CALM2: variants seen among roughly 807,000 people sequenced by gnomAD.
CALM2 encodes calmodulin-2.
A neutral mutation model predicts 19.8 loss-of-function variants in CALM2; 2 were observed. That is an observed-to-expected ratio of 0.10 (90% CI 0.04 to 0.32). The LOEUF (loss-of-function observed/expected upper bound fraction) is 0.32, where lower values mean the gene tolerates loss of function less well. Among genes scored for constraint, CALM2 ranks in the 10% least tolerant of loss-of-function variants. The pLI, the probability that CALM2 is intolerant of heterozygous loss-of-function variation, is 1.00. For missense variants in CALM2, 38 were observed against 178.7 expected (o/e 0.21, Z 4.49); for synonymous variants, 51 against 52.1 (o/e 0.98, Z 0.09).
At chr2:47,175,767 T>G (rs1666839371) in intron 1 of CALM2, among the ~76,000 whole-genome samples, 1 of 150,050 alleles carries the variant, frequency 6.7e-6, no homozygotes, top group African/African-American at 2.4e-5. Flanking sequence ...CAGCTGGAGC[T>G]CGAGCGGGGC....
At chr2:47,167,308 A>G (rs1294964571) in intron 2 of CALM2, among the ~76,000 whole-genome samples, 1 of 152,250 alleles carries the variant, frequency 6.6e-6, no homozygotes, top group Admixed American at 6.5e-5. Flanking sequence ...GTCAAACAGC[A>G]ACAACTAATG....
intron 1 of CALM2, among the ~76,000 whole-genome samples, chr2:47,174,543 T>A (rs993230196): frequency 6.6e-6 from 1 of 152,172 alleles, no homozygotes; most frequent in Non-Finnish European, 1.5e-5. Flanking sequence ...TATTAAGATT[T>A]TTTTTTTCGA....
chr2:47,162,949 T>G (rs1687202209), intron 2 of CALM2: 1 of 242,048 alleles, frequency 4.1e-6, no homozygotes. Context: ...CTTTGACCAA[T>G]CATACCACTG....
At chr2:47,172,526 A>C (rs1666704422) in intron 1 of CALM2, 2 of 1,182,162 alleles carry the variant, frequency 1.7e-6, no homozygotes, top group Non-Finnish European at 2.2e-6. Flanking sequence ...TTAAATATCA[A>C]CCTGACTAGC....
Position 47,173,807 on chromosome 2 carries a change from A to G in CALM2, c.3+2634T>C, listed in dbSNP as rs527289812. ...TTTTTCTACAATTATGGAAGCCAGG[A>G]TATTTGTTTTACCTGTATCAAAAGC... On this transcript the variant is annotated intron_variant, in intron 1 of 5. Transcript: ENST00000272298. 2.0e-5 allele frequency: 3 copies of G among 152,346 alleles called. No homozygotes were observed. The South Asian group carries it at 6.2e-4, about 32-fold the overall frequency. 9.4% of individuals were successfully genotyped at this position (152,346 alleles called of 1,614,324 possible). A position where few individuals can be genotyped will look rare whatever the true frequency, so the allele number is the denominator to read the frequency against.
intron 1 of CALM2, chr2:47,171,222 C>A: frequency 6.4e-6 from 1 of 155,430 alleles, no homozygotes; most frequent in South Asian, 1.9e-4. Context: ...ACCCAGCAGG[C>A]AAAATGCAAA....
intron 1 of CALM2, chr2:47,173,063 C>T (rs1332567992): frequency 1.3e-5 from 2 of 152,142 alleles, no homozygotes; most frequent in Admixed American, 6.5e-5. Flanking sequence ...CTCACATAAC[C>T]TGAAAGCTCT....
upstream of CALM2, chr2:47,176,611 A>G: frequency 6.6e-7 from 1 of 1,520,550 alleles, no homozygotes; most frequent in South Asian, 1.2e-5. Context: ...GTCCCGGCCA[A>G]CCCCCTCCCC....
In CALM2 at chr2:47,160,668, C is replaced by T. The variant is rs901994830; in HGVS notation, c.*108G>A. The T allele has an allele frequency of 1.7e-6, 1 of 594,560 alleles. No individual in the cohort carries two copies. The highest frequency in any genetic ancestry group is 1.9e-5 in the African/African-American group (1 of 51,962). The allele number at this position is 594,560 out of a possible 1,614,324, so 36.8% of individuals were successfully genotyped here. A position where few individuals can be genotyped will look rare whatever the true frequency, so the allele number is the denominator to read the frequency against. ...AATGAAGTCCTAATTACTATACATG[C>T]ATATTTTTTTGACAGTAGGGAGAAA... On this transcript the variant is annotated 3_prime_UTR_variant, in exon 6 of 6. Coordinates refer to ENST00000272298, the MANE Select transcript of CALM2 (RefSeq NM_001743.6).
chr2:47,176,461 T>C lies in CALM2; in HGVS notation c.-18A>G, dbSNP rs996505212. ...CTCACCATGCTGCAAGCGCTACCGGTTTCCGAGACGCGACCACACAACCAC... is the reference window on the plus strand; with the variant it reads ...CTCACCATGCTGCAAGCGCTACCGGCTTCCGAGACGCGACCACACAACCAC... On this transcript the variant is annotated 5_prime_UTR_variant, in exon 1 of 6. Coordinates refer to ENST00000272298, the MANE Select transcript of CALM2 (RefSeq NM_001743.6). 1.9e-6 allele frequency: 3 copies of C among 1,613,526 alleles called. No individual in the cohort carries two copies. The highest frequency in any genetic ancestry group is 2.7e-5 in the African/African-American group (2 of 74,840).
intron 1 of CALM2, 131 bp from the exon 2 acceptor site, chr2:47,170,895 A>G (rs1666643507): frequency 1.3e-6 from 1 of 756,640 alleles, no homozygotes; most frequent in Non-Finnish European, 2.4e-6. Context: ...ACACATCTGG[A>G]TAGAAAATGC....
At chr2:47,162,904 C>G (rs1477492716) in intron 2 of CALM2, 3 of 388,044 alleles carry the variant, frequency 7.7e-6, no homozygotes, top group Non-Finnish European at 1.4e-5. Context: ...ATTAACCAAT[C>G]TTTATGATAC....
At chr2:47,174,468 A>G (rs971912234) in intron 1 of CALM2, among the ~76,000 whole-genome samples, 5 of 152,204 alleles carry the variant, frequency 3.3e-5, no homozygotes, top group Middle Eastern at 3.4e-3. Flanking sequence ...TCTAATTATA[A>G]AGTTATGTGA....
intron 5 of CALM2, 22 bp from the exon 6 acceptor site, chr2:47,160,826 A>G (rs1467161792): frequency 7.1e-7 from 1 of 1,405,332 alleles, no homozygotes; most frequent in Non-Finnish European, 9.7e-7. Context: ...GAAGTACACA[A>G]AAAATGAGTC....
rs563052849 is a variant in CALM2 at position 47,163,365 on chromosome 2, A to T, written c.35-703T>A. 6 of 152,280 alleles carry T rather than the reference A, an allele frequency of 3.9e-5. No homozygotes were observed. The South Asian group carries it at 8.3e-4, about 21-fold the overall frequency. 9.4% of individuals were successfully genotyped at this position (152,280 alleles called of 1,614,324 possible). ...TTTTGAGCTTTCTTTGGAATATTAA[A>T]ACCCCAACCTTATATAGTGAAACTG... On this transcript the variant is annotated intron_variant, in intron 2 of 5. Coordinates refer to ENST00000272298, the MANE Select transcript of CALM2 (RefSeq NM_001743.6).
chr2:47,167,314 T>C (rs1342632337), intron 2 of CALM2, among the ~76,000 whole-genome samples: 1 of 152,168 alleles, frequency 6.6e-6, no homozygotes, highest in African/African-American at 2.4e-5. Context: ...CAGCAACAAC[T>C]AATGACATCA....
intron 1 of CALM2, among the ~76,000 whole-genome samples, chr2:47,174,532 T>C (rs927329612): frequency 3.3e-5 from 5 of 152,194 alleles, no homozygotes; most frequent in South Asian, 4.1e-4. Flanking sequence ...CTGTCAATTT[T>C]TATTAAGATT....
Position 47,176,292 on chromosome 2 carries a change from C to T in CALM2, c.3+149G>A, listed in dbSNP as rs185638843. The T allele has an allele frequency of 1.1e-4, 98 of 903,848 alleles. 1 individual carries two copies. In the African/African-American group the frequency reaches 1.1e-3, roughly 10 times the overall value. 56.0% of individuals were successfully genotyped at this position (903,848 alleles called of 1,614,324 possible). ...GGGGGAGCACCTGCGACACAACCGT[C>T]GCCGGCATCCCTGGCCTCTTTCGCG... On this transcript the variant is annotated intron_variant, in intron 1 of 5. Transcript: ENST00000272298.
At chr2:47,164,592 T>C (rs1230120416) in intron 2 of CALM2, among the ~76,000 whole-genome samples, 1 of 136,014 alleles carries the variant, frequency 7.4e-6, no homozygotes, top group African/African-American at 3.4e-5. Context: ...GTGAGACTTG[T>C]CTCAAAAAAA....
Sources: gnomAD v4.1 joint callset for allele counts (sites outside exome capture counted in the v4.1 genomes callset) on GRCh38, gnomAD v4.1.1 for gene constraint, MANE v1.5 for transcripts, NCBI Gene and HGNC (gene_info 2026-07-23, HGNC 2026-07-21) for gene names.